The following GPRIN1 variants were observed in gnomAD, a reference collection of about 807,000 sequenced individuals.
GPRIN1 encodes G protein-regulated inducer of neurite outgrowth 1.
GPRIN1 carries 4 observed loss-of-function variants against 2.8 expected under a neutral mutation model. The observed-to-expected ratio is 1.45, with a 90% CI of 0.71 to 3.32. The LOEUF (loss-of-function observed/expected upper bound fraction) is 3.32, where lower values mean the gene tolerates loss of function less well. Among genes scored for constraint, GPRIN1 ranks in the 30% most tolerant of loss-of-function variants. GPRIN1 has a pLI of 0.01. For synonymous variants in GPRIN1, 589 were observed against 589.9 expected (o/e 1.00, Z 0.02); for missense variants, 1,322 against 1,343.4 (o/e 0.98, Z 0.25).
chr5:176,600,635 C>T (rs114021239), intron 1 of GPRIN1, among the ~76,000 whole-genome samples: 2,845 of 152,134 alleles, frequency 0.019, 45 homozygotes, highest in Non-Finnish European at 0.027. Flanking sequence ...AAGGGATGGC[C>T]GGGTGCGGCG....
chr5:176,609,198 G>C (rs1030996343), intron 1 of GPRIN1, among the ~76,000 whole-genome samples: 1 of 152,176 alleles, frequency 6.6e-6, no homozygotes, highest in Non-Finnish European at 1.5e-5. Flanking sequence ...TCTACTCCAG[G>C]GTATCTGGGT....
intron 1 of GPRIN1, among the ~76,000 whole-genome samples, chr5:176,608,892 G>A (rs73332106): frequency 0.026 from 4,025 of 152,336 alleles, 64 homozygotes; most frequent in Middle Eastern, 0.044. Context: ...GAGGGACTTC[G>A]TCAGGCATCT....
chr5:176,606,818 G>T (rs73332105), intron 1 of GPRIN1, among the ~76,000 whole-genome samples: 1 of 152,198 alleles, frequency 6.6e-6, no homozygotes, highest in East Asian at 1.9e-4. Context: ...AATCCCACCC[G>T]CCTGCCAGGC....
chr5:176,608,539 C>T (rs978169171), intron 1 of GPRIN1, among the ~76,000 whole-genome samples: 2 of 152,236 alleles, frequency 1.3e-5, no homozygotes, highest in African/African-American at 4.8e-5. Flanking sequence ...GGGGCCAGGA[C>T]CTGGCTCCTG....
Position 176,599,814 on chromosome 5 carries a change from C to A in GPRIN1, c.21G>T (p.Pro7=), listed in dbSNP as rs558770081. The part of the protein sequence containing the change: MDTAED[P]AWLQLLQKDS... ...CCTTTTGAAGCAGCTGGAGCCAGGCCGGGTCTTCAGCAGTGTCCATCTGCC... is the reference window on the plus strand; with the variant it reads ...CCTTTTGAAGCAGCTGGAGCCAGGCAGGGTCTTCAGCAGTGTCCATCTGCC... Residue 7 remains proline, a synonymous_variant, in exon 2 of 2, where the codon CCG becomes CCT. Coordinates refer to ENST00000303991, the MANE Select transcript of GPRIN1 (RefSeq NM_052899.3). The A allele has an allele frequency of 2.7e-6, 4 of 1,492,372 alleles. No homozygotes were observed. Among genetic ancestry groups the A allele is most frequent in the African/African-American group, 2.8e-5 (2 of 71,428 alleles). The allele number at this position is 1,492,372 out of a possible 1,614,324, so 92.4% of individuals were successfully genotyped here. A position where few individuals can be genotyped will look rare whatever the true frequency, so the allele number is the denominator to read the frequency against.
intron 1 of GPRIN1, among the ~76,000 whole-genome samples, chr5:176,600,437 C>A (rs1034529062): frequency 2.0e-5 from 3 of 152,166 alleles, no homozygotes; most frequent in Non-Finnish European, 4.4e-5. Context: ...TACTATCGCC[C>A]CTCTCTGTTC....
Position 176,596,554 on chromosome 5 carries a change from C to T in GPRIN1, c.*254G>A, listed in dbSNP as rs932634885. On this transcript the variant is annotated 3_prime_UTR_variant, in exon 2 of 2. Coordinates refer to ENST00000303991, the MANE Select transcript of GPRIN1 (RefSeq NM_052899.3). This position sits in a 1 kb window ranked among gnomAD's most constrained non-coding sequence, Gnocchi z 5.2. ...TCGCCCAGTGTGACCGGGAGTAGAG[C>T]TGAGGGCTGTGAGGGGACAGTGGGG... 4.1e-6 allele frequency: 1 copy of T among 243,436 alleles called. No individual in the cohort carries two copies. Among genetic ancestry groups the T allele is most frequent in the Non-Finnish European group, 7.8e-6 (1 of 127,818 alleles). 15.1% of individuals were successfully genotyped at this position (243,436 alleles called of 1,614,324 possible).
rs548956556 is a variant in GPRIN1 at position 176,597,587 on chromosome 5, G to T, written c.2248C>A (p.Pro750Thr). 5.6e-6 allele frequency: 9 copies of T among 1,595,244 alleles called. No homozygotes were observed. In the South Asian group the frequency reaches 7.7e-5, roughly 14 times the overall value. ...GTGCTGGACACGGGCTCGGCCTTCG[G>T]CTCCACGCGGCCTTCACTGCCCCTG... ...GARGSEGRVE[P>T]KAEPVSSTEA... Residue 750 changes from proline to threonine, a missense_variant, in exon 2 of 2, where the codon CCG becomes ACG. By Grantham distance (38) the Pro-to-Thr change is conservative (BLOSUM62 -1). Transcript: ENST00000303991. This position sits in a 1 kb window ranked among gnomAD's most constrained non-coding sequence, Gnocchi z 6.1.
At position 176,596,743 on chromosome 5, in the gene GPRIN1, G is replaced by A. The variant is rs767615426; in HGVS notation, c.*65C>T. On this transcript the variant is annotated 3_prime_UTR_variant, in exon 2 of 2. Transcript: ENST00000303991. This position sits in a 1 kb window ranked among gnomAD's most constrained non-coding sequence, Gnocchi z 5.2. ...TGGCACGCAGAGGGGACCCCTTCTA[G>A]GGGCCTGTGATCAAGAAGGGAGCCT... is the stretch of plus-strand genomic sequence containing the variant. 3.2e-5 allele frequency: 42 copies of A among 1,329,358 alleles called. No individual in the cohort carries two copies. The highest frequency in any genetic ancestry group is 4.0e-5 in the Non-Finnish European group (41 of 1,030,564). The allele number at this position is 1,329,358 out of a possible 1,614,324, so 82.3% of individuals were successfully genotyped here.
At position 176,599,283 on chromosome 5, in the gene GPRIN1, C is replaced by T; in HGVS notation, c.552G>A (p.Lys184=). 1 of 1,614,052 alleles carries T rather than the reference C, an allele frequency of 6.2e-7. No homozygotes were observed. Among genetic ancestry groups the T allele is most frequent in the Non-Finnish European group, 8.5e-7 (1 of 1,179,998 alleles). Residue 184 remains lysine (K), a synonymous_variant, in exon 2 of 2, where the codon AAG becomes AAA. Coordinates refer to ENST00000303991, the MANE Select transcript of GPRIN1 (RefSeq NM_052899.3). The stretch of plus-strand genomic sequence containing the variant: ...CCTTTCCCAAGATTTCAGGCTCTGC[C>T]TTTCCTGTAAACATGGGATCTGCCT... ...SRKADPMFTG[K]AEPEILGKGD... is the part of the protein sequence containing the mutation.
Position 176,599,666 on chromosome 5 carries a change from G to T in GPRIN1, c.169C>A (p.Pro57Thr), listed in dbSNP as rs142576280. ...GGGCTTTGGTCAGGGGTGTGCCTGG[G>T]GGGTGCAGGGCTTGCCTTTTGCTGG... ...PSQQKASPAP[P>T]RHTPDQSPGM... Residue 57 changes from proline to threonine, a missense_variant, in exon 2 of 2, where the codon CCC (proline) becomes ACC (threonine). Pro to Thr is a conservative substitution (Grantham distance 38). Coordinates refer to ENST00000303991, the MANE Select transcript of GPRIN1 (RefSeq NM_052899.3). 20 of 1,560,826 alleles carry T rather than the reference G, an allele frequency of 1.3e-5. No homozygotes were observed. The Admixed American group carries it at 2.7e-4, about 21-fold the overall frequency.
chr5:176,597,480 C>T lies in GPRIN1; in HGVS notation c.2355G>A (p.Pro785=). 1 of 1,339,066 alleles carries T rather than the reference C, an allele frequency of 7.5e-7. No individual in the cohort carries two copies. The highest frequency in any genetic ancestry group is 9.5e-7 in the Non-Finnish European group (1 of 1,047,524). 82.9% of individuals were successfully genotyped at this position (1,339,066 alleles called of 1,614,324 possible). ...AGTTGTCGCGAGTCCGCGGCCCCGGCGGGGGCGCTGCGGCCTCTGGGCAGG... is the reference window on the plus strand; with the variant it reads ...AGTTGTCGCGAGTCCGCGGCCCCGGTGGGGGCGCTGCGGCCTCTGGGCAGG... The part of the protein sequence containing the change: ...RSPCPEAAAP[P]PGPRTRDNFT... The change falls in exon 2 of 2, where the codon CCG becomes CCA. Residue 785 remains proline, a synonymous_variant. Transcript: ENST00000303991. The surrounding 1 kb of genome is among the most constrained non-coding windows in gnomAD (Gnocchi z 6.1).
chr5:176,597,539 T>C lies in GPRIN1; in HGVS notation c.2296A>G (p.Lys766Glu), dbSNP rs1224041284. 6.5e-7 allele frequency: 1 copy of C among 1,531,086 alleles called. No homozygotes were observed. Among genetic ancestry groups the C allele is most frequent in the African/African-American group, 1.4e-5 (1 of 72,796 alleles). 94.8% of individuals were successfully genotyped at this position (1,531,086 alleles called of 1,614,324 possible). Reference sequence around the variant, plus strand: ...TCGGCCCCAGCGGCTTCCAGGTCTTTCTGGCCGAGACTGGAGGCCTCGGTG... The same window carrying C: ...TCGGCCCCAGCGGCTTCCAGGTCTTCCTGGCCGAGACTGGAGGCCTCGGTG... ...SSTEASSLGQ[K>E]DLEAAGAERS... Residue 766 changes from lysine (K) to glutamate (E), a missense_variant, in exon 2 of 2, where the codon AAA becomes GAA. This residue lies in a region of GPRIN1 where 1,117 missense variants were observed against 1,128.6 expected (regional missense o/e 0.99). Coordinates refer to ENST00000303991, the MANE Select transcript of GPRIN1 (RefSeq NM_052899.3). The surrounding 1 kb of genome is among the most constrained non-coding windows in gnomAD (Gnocchi z 6.1).
rs1759146919 is a variant in GPRIN1, at chr5:176,601,406, G to A, written c.-43-1529C>T. On this transcript the variant is annotated intron_variant, in intron 1 of 1. Coordinates refer to ENST00000303991, the MANE Select transcript of GPRIN1 (RefSeq NM_052899.3). ...AATCTCGATGAGAGACAGCACAGCA[G>A]AGGTCCTGGAGATGGTAGTTAAAGG... Among the ~76,000 whole-genome samples, 3 of 152,328 alleles carry A rather than the reference G, an allele frequency of 2.0e-5. No individual in the cohort carries two copies. The South Asian group carries it at 6.2e-4, about 32-fold the overall frequency.
In GPRIN1 at chr5:176,600,264, C is replaced by G. The variant is rs550149653; in HGVS notation, c.-43-387G>C. ...GCCTCAGCATCCCAAGTAGCTGGGACTACAGGCATGCGCCACCACGCCCAG... is the reference window on the plus strand; with the variant it reads ...GCCTCAGCATCCCAAGTAGCTGGGAGTACAGGCATGCGCCACCACGCCCAG... On this transcript the variant is annotated intron_variant, in intron 1 of 1. Transcript: ENST00000303991. Among the ~76,000 whole-genome samples, 12 of 152,244 alleles carry G rather than the reference C, an allele frequency of 7.9e-5. No individual in the cohort carries two copies. The South Asian group carries it at 2.5e-3, about 32-fold the overall frequency.
Position 176,598,601 on chromosome 5 carries a change from A to G in GPRIN1, c.1234T>C (p.Ser412Pro), listed in dbSNP as rs1372238451. The change falls in exon 2 of 2, where the codon TCT (serine) becomes CCT (proline). Residue 412 changes from serine (S) to proline (P), a missense_variant. By Grantham distance (74) the Ser-to-Pro change is moderately conservative. Coordinates refer to ENST00000303991, the MANE Select transcript of GPRIN1 (RefSeq NM_052899.3). ...GAAACTGGATCCACCTTGCCTGAAG[A>G]CATGGGATCCACATTTTTCAAAGAT... Reference protein sequence around the residue: ...LTSLKNVDPMSSGKVDPVSLG... With the variant: ...LTSLKNVDPMPSGKVDPVSLG... 1.2e-6 allele frequency: 2 copies of G among 1,614,084 alleles called. No individual in the cohort carries two copies. The highest frequency in any genetic ancestry group is 1.3e-5 in the African/African-American group (1 of 75,010).
In GPRIN1 at chr5:176,597,530, C is replaced by T; in HGVS notation, c.2305G>A (p.Glu769Lys). ...GGGCTTCTCTCGGCCCCAGCGGCTT[C>T]CAGGTCTTTCTGGCCGAGACTGGAG... ...EASSLGQKDLEAAGAERSPCP... is the reference protein window; with the variant it reads ...EASSLGQKDLKAAGAERSPCP... The change falls in exon 2 of 2, where the codon GAA (glutamate) becomes AAA (lysine). Residue 769 changes from glutamate to lysine, a missense_variant. By Grantham distance (56) the Glu-to-Lys change is moderately conservative. Transcript: ENST00000303991. This position sits in a 1 kb window ranked among gnomAD's most constrained non-coding sequence, Gnocchi z 6.1. 1 of 1,517,582 alleles carries T rather than the reference C, an allele frequency of 6.6e-7. No homozygotes were observed. The highest frequency in any genetic ancestry group is 1.4e-5 in the African/African-American group (1 of 72,298). 94.0% of individuals were successfully genotyped at this position (1,517,582 alleles called of 1,614,324 possible).
chr5:176,596,996 C>G lies in GPRIN1; in HGVS notation c.2839G>C (p.Glu947Gln), dbSNP rs147780512. The G allele has an allele frequency of 3.5e-5, 50 of 1,422,762 alleles. No homozygotes were observed. Among genetic ancestry groups the G allele is most frequent in the Non-Finnish European group, 9.2e-6 (10 of 1,081,298 alleles). The allele number at this position is 1,422,762 out of a possible 1,614,324, so 88.1% of individuals were successfully genotyped here. A position where few individuals can be genotyped will look rare whatever the true frequency, so the allele number is the denominator to read the frequency against. ...GGCGCCCCTTGGCGGCCGTGCTCCT[C>G]GATCTGTCGCTCCAGATGCTTCTGG... ...AIQKHLERQI[E>Q]EHGRQGAPAP... is the part of the protein sequence containing the mutation. Residue 947 changes from glutamate (E) to glutamine (Q), a missense_variant, in exon 2 of 2, where the codon GAG (glutamate) becomes CAG (glutamine). Physicochemically the swap from Glu to Gln is conservative, Grantham distance 29 (BLOSUM62 2). Transcript: ENST00000303991. This position sits in a 1 kb window ranked among gnomAD's most constrained non-coding sequence, Gnocchi z 5.2.
In GPRIN1 at chr5:176,602,070, C is replaced by G. The variant is rs1260636504; in HGVS notation, c.-43-2193G>C. Among the ~76,000 whole-genome samples, 2 of 152,234 alleles carry G rather than the reference C, an allele frequency of 1.3e-5. No homozygotes were observed. The highest frequency in any genetic ancestry group is 4.8e-5 in the African/African-American group (2 of 41,470). On this transcript the variant is annotated intron_variant, in intron 1 of 1. Transcript: ENST00000303991. This position sits in a 1 kb window ranked among gnomAD's most constrained non-coding sequence, Gnocchi z 4.4. ...GGCCCCGTCACCTCCTCTGCCCTTT[C>G]TGCTGCTGCTCTCCCTCTCCCTCAC...
Sources: gnomAD v4.1 joint callset for allele counts (sites outside exome capture counted in the v4.1 genomes callset) on GRCh38, gnomAD v4.1.1 for gene constraint, gnomAD v4.1.1 regional missense constraint, Gnocchi (gnomAD v3.1) non-coding constraint, MANE v1.5 for transcripts, NCBI Gene and HGNC (gene_info 2026-07-23, HGNC 2026-07-21) for gene names.